Variants in FCGR3B observed in about 807,000 individuals in gnomAD.
The protein encoded by FCGR3B is low affinity immunoglobulin gamma Fc region receptor III-B.
Under a neutral mutation model 26.7 loss-of-function variants are expected in FCGR3B, and 20 were observed. That is an observed-to-expected ratio of 0.75 (90% confidence interval 0.53 to 1.09). FCGR3B has a LOEUF of 1.09. Ranked by LOEUF, FCGR3B falls within the 50% of genes least tolerant of loss-of-function variation. FCGR3B has a pLI of 0.00. For synonymous variants in FCGR3B, 79 were observed against 107.0 expected, an observed-to-expected ratio of 0.74 and a Z score of 1.62; for missense variants, 191 against 279.7, an observed-to-expected ratio of 0.68 and a Z score of 2.26.
rs557887168 is a variant in FCGR3B at position 161,627,071 on chromosome 1, C to T, written c.320-669G>A. On this transcript the variant is annotated intron_variant, in intron 3 of 4. Transcript: ENST00000650385. ...TCAAGAGAGGAAATTCTTATATCGC[C>T]AGAGCTTATTCTCACAATCATGTCA... Among the ~76,000 whole-genome samples, 8 of 149,988 alleles carry T rather than the reference C, an allele frequency of 5.3e-5. 1 individual carries two copies. Among genetic ancestry groups the T allele is most frequent in the African/African-American group, 2.0e-4 (8 of 40,266 alleles).
In FCGR3B at chr1:161,630,478, C is replaced by G. The variant is rs564309444; in HGVS notation, c.41-90G>C. 6.0e-5 allele frequency: 70 copies of G among 1,162,652 alleles called. 3 individuals are homozygous for G. The South Asian group carries it at 9.1e-4, about 15-fold the overall frequency. 72.0% of individuals were successfully genotyped at this position (1,162,652 alleles called of 1,614,324 possible). On this transcript the variant is annotated intron_variant, in intron 1 of 4. Coordinates refer to ENST00000650385, the MANE Select transcript of FCGR3B (RefSeq NM_001244753.2). ...AGTGAGTTTAAAACTCCCCTGCCCT[C>G]CTCTGCCCCAGGAGCCCAATTTTCC...
At position 161,626,180 on chromosome 1, in the gene FCGR3B, A is replaced by G. The variant is rs1208712284; in HGVS notation, c.542T>C (p.Val181Ala). 9 of 1,609,590 alleles carry G rather than the reference A, an allele frequency of 5.6e-6. No individual in the cohort carries two copies. Among genetic ancestry groups the G allele is most frequent in the African/African-American group, 2.7e-5 (2 of 73,568 alleles). The stretch of plus-strand genomic sequence containing the variant: ...GGTGATGTTCACAGTCTCTGAAGAC[A>G]CATTTTTACTCCCAACAAGCCCCCT... ...FCRGLVGSKN[V>A]SSETVNITIT... The change falls in exon 4 of 5, where the codon GTG becomes GCG. Residue 181 changes from valine to alanine, a missense_variant. Val to Ala is a moderately conservative substitution (Grantham distance 64). This residue lies in a region of FCGR3B where 103 missense variants were observed against 114.5 expected (regional missense o/e 0.90). Coordinates refer to ENST00000650385, the MANE Select transcript of FCGR3B (RefSeq NM_001244753.2).
chr1:161,625,404 T>C (rs1474264558), intron 4 of FCGR3B, among the ~76,000 whole-genome samples: 1 of 94,308 alleles, frequency 1.1e-5, no homozygotes, highest in Non-Finnish European at 2.2e-5. Flanking sequence ...CATAGGATAT[T>C]AGTGCTTCTT....
chr1:161,626,219 C>G lies in FCGR3B; in HGVS notation c.503G>C (p.Gly168Ala), dbSNP rs376613160. 1 of 1,608,552 alleles carries G rather than the reference C, an allele frequency of 6.2e-7. No homozygotes were observed. The highest frequency in any genetic ancestry group is 8.5e-7 in the Non-Finnish European group (1 of 1,177,610). ...HIPKATLKDS[G>A]SYFCRGLVGS... ...AACAAGCCCCCTGCAGAAGTAGGAG[C>G]CGCTATCTTTGAGTGTGGCTTTTGG... Residue 168 changes from glycine (G) to alanine (A), a missense_variant, in exon 4 of 5, where the codon GGC (glycine) becomes GCC (alanine). Physicochemically the swap from Gly to Ala is moderately conservative, Grantham distance 60. This residue lies in a region of FCGR3B where 103 missense variants were observed against 114.5 expected (regional missense o/e 0.90). Coordinates refer to ENST00000650385, the MANE Select transcript of FCGR3B (RefSeq NM_001244753.2).
chr1:161,627,014 G>A (rs566047111), intron 3 of FCGR3B, among the ~76,000 whole-genome samples: 2 of 149,888 alleles, frequency 1.3e-5, no homozygotes, highest in Non-Finnish European at 3.0e-5. Flanking sequence ...ACAGGGCCTC[G>A]GTGAGACCAA....
At chr1:161,626,641 T>G (rs1398806373) in intron 3 of FCGR3B, among the ~76,000 whole-genome samples, 2 of 148,626 alleles carry the variant, frequency 1.3e-5, no homozygotes, top group East Asian at 2.0e-4. Flanking sequence ...CACACAGGGT[T>G]AGAGCAGAGG....
At chr1:161,629,320 C>T (rs1187158077) in intron 3 of FCGR3B, among the ~76,000 whole-genome samples, 1 of 12,816 alleles carries the variant, frequency 7.8e-5, no homozygotes, top group Non-Finnish European at 3.0e-4. Context: ...CTCAGCTACT[C>T]GGGAGGCTGA....
chr1:161,626,124 C>T, intron 4 of FCGR3B, 21 bp downstream of exon 4: 1 of 1,604,270 alleles, frequency 6.2e-7, no homozygotes, highest in South Asian at 1.1e-5. Flanking sequence ...CCTGGGCATT[C>T]CAGGGTGGCA....
intron 4 of FCGR3B, 68 bp downstream of exon 4, chr1:161,626,077 C>A: frequency 1.3e-6 from 2 of 1,556,844 alleles, no homozygotes; most frequent in Non-Finnish European, 1.7e-6. Context: ...CCCAACTCAA[C>A]TTCCCAGTGT....
rs759670879 is a variant in FCGR3B, at chr1:161,630,397, A to G, written c.41-9T>C. The stretch of plus-strand genomic sequence containing the variant: ...CCGCATGCCAGCTGAAACTGCAAGA[A>G]AAAAGAGTAAATCAAATATTGAGTA... On this transcript the variant is annotated splice_polypyrimidine_tract_variant and intron_variant, in intron 1 of 4. Transcript: ENST00000650385. The G allele has an allele frequency of 3.7e-6, 6 of 1,605,846 alleles. No homozygotes were observed. The East Asian group carries it at 1.1e-4, about 30-fold the overall frequency.
rs1679616810 is a variant in FCGR3B at position 161,629,149 on chromosome 1, C to T, written c.319+629G>A. Among the ~76,000 whole-genome samples the T allele has an allele frequency of 2.1e-5, 2 of 95,446 alleles. 1 individual carries two copies. The highest frequency in any genetic ancestry group is 1.1e-3 in the East Asian group (2 of 1,840). 62.6% of individuals were successfully genotyped at this position (95,446 alleles called of 152,430 possible). A position where few individuals can be genotyped will look rare whatever the true frequency, so the allele number is the denominator to read the frequency against. On this transcript the variant is annotated intron_variant, in intron 3 of 4. Transcript: ENST00000650385. ...AATTTATTCAATAAAAATTATTGGC[C>T]AGGTGTGGTGGCTCACGCCTGTAGT...
chr1:161,626,859 T>A (rs117463942), intron 3 of FCGR3B, among the ~76,000 whole-genome samples: 2,873 of 150,398 alleles, frequency 0.019, 157 homozygotes, highest in East Asian at 0.059. Flanking sequence ...ATTGAAAGAC[T>A]CTTGTGGCCT....
rs1194652068 is a variant in FCGR3B at position 161,624,057 on chromosome 1, T to C, written c.*458A>G. ...CTGCCTCAACCATTAATTCTACTTA[T>C]CCATTTGTTTAGGAATAATTATTTT... is the stretch of plus-strand genomic sequence containing the variant. On this transcript the variant is annotated 3_prime_UTR_variant, in exon 5 of 5. Coordinates refer to ENST00000650385, the MANE Select transcript of FCGR3B (RefSeq NM_001244753.2). The C allele has an allele frequency of 6.5e-6, 1 of 153,872 alleles. No homozygotes were observed. The highest frequency in any genetic ancestry group is 1.4e-5 in the Non-Finnish European group (1 of 71,872). 9.5% of individuals were successfully genotyped at this position (153,872 alleles called of 1,614,324 possible).
intron 3 of FCGR3B, among the ~76,000 whole-genome samples, chr1:161,628,951 T>C (rs1000183088): frequency 3.9e-5 from 5 of 129,172 alleles, no homozygotes; most frequent in Non-Finnish European, 6.6e-5. Context: ...TCTGCCTCTA[T>C]TGGAAGAGCT....
intron 1 of FCGR3B, 196 bp downstream of exon 1, chr1:161,630,859 C>T: frequency 7.5e-7 from 1 of 1,337,422 alleles, no homozygotes; most frequent in Non-Finnish European, 9.9e-7. Context: ...TCACTCATGA[C>T]TATGACCCAA....
Position 161,624,247 on chromosome 1 carries a change from C to T in FCGR3B, c.*268G>A. On this transcript the variant is annotated 3_prime_UTR_variant, in exon 5 of 5. Coordinates refer to ENST00000650385, the MANE Select transcript of FCGR3B (RefSeq NM_001244753.2). ...TTCAATTTCTAGGAATGCAGCTACT[C>T]ACTGGGGCTTCCCTGCTTGAAGATC... The T allele has an allele frequency of 4.7e-6, 2 of 426,074 alleles. No individual in the cohort carries two copies. The highest frequency in any genetic ancestry group is 8.6e-6 in the Non-Finnish European group (2 of 233,300). 26.4% of individuals were successfully genotyped at this position (426,074 alleles called of 1,614,324 possible). A position where few individuals can be genotyped will look rare whatever the true frequency, so the allele number is the denominator to read the frequency against.
intron 3 of FCGR3B, among the ~76,000 whole-genome samples, chr1:161,628,534 G>T (rs1360821648): frequency 1.3e-5 from 2 of 148,914 alleles, no homozygotes; most frequent in Admixed American, 1.3e-4. Flanking sequence ...CATTTTATTT[G>T]GTTGTAGGTG....
chr1:161,624,508 T>A lies in FCGR3B; in HGVS notation c.*7A>T. 1 of 1,606,918 alleles carries A rather than the reference T, an allele frequency of 6.2e-7. No individual in the cohort carries two copies. The highest frequency in any genetic ancestry group is 8.5e-7 in the Non-Finnish European group (1 of 1,176,844). On this transcript the variant is annotated 3_prime_UTR_variant, in exon 5 of 5. Transcript: ENST00000650385. ...AGTTTATGGTCCTTCCAGTCTCTTG[T>A]TGAGCTTCAAATGTTTGTCTTCACA...
chr1:161,630,515 A>G (rs1679688968), intron 1 of FCGR3B, 127 bp from the exon 2 acceptor site: 2 of 821,832 alleles, frequency 2.4e-6, no homozygotes, highest in Non-Finnish European at 4.0e-6. Context: ...AAGAATCAGG[A>G]TGTTTCTGGT....
Sources: gnomAD v4.1 joint callset for allele counts (sites outside exome capture counted in the v4.1 genomes callset) on GRCh38, gnomAD v4.1.1 for gene constraint, gnomAD v4.1.1 regional missense constraint, MANE v1.5 for transcripts, NCBI Gene and HGNC (gene_info 2026-07-23, HGNC 2026-07-21) for gene names.